The following SRFBP1 variants were observed in gnomAD, a reference collection of about 807,000 sequenced individuals.
The protein encoded by SRFBP1 is serum response factor binding protein 1.
A neutral mutation model predicts 45.5 loss-of-function variants in SRFBP1; 47 were observed. The observed-to-expected ratio is 1.03, with a 90% CI of 0.82 to 1.32. The LOEUF is 1.32. Ranked by LOEUF, SRFBP1 falls within the 40% of genes most tolerant of loss-of-function variation. The pLI is 0.00. For missense variants in SRFBP1, 621 were observed against 484.6 expected (o/e 1.28, Z -2.64); for synonymous variants, 203 against 166.3 (o/e 1.22, Z -1.70).
At chr5:121,970,690 T>C (rs1752170867) in intron 1 of SRFBP1, among the ~76,000 whole-genome samples, 1 of 152,080 alleles carries the variant, frequency 6.6e-6, no homozygotes. Context: ...TTAAAATATA[T>C]TATGCATTTG....
intron 2 of SRFBP1, chr5:122,075,261 A>C: frequency 1.4e-6 from 1 of 726,134 alleles, no homozygotes; most frequent in Admixed American, 3.2e-5. Flanking sequence ...GGGTTATGTG[A>C]AATTACATAG....
chr5:121,988,613 T>G (rs1752564202), intron 3 of SRFBP1, among the ~76,000 whole-genome samples: 1 of 152,224 alleles, frequency 6.6e-6, no homozygotes, highest in Non-Finnish European at 1.5e-5. Context: ...TATTGGCTGT[T>G]AGTCACGTAA....
At position 122,011,661 on chromosome 5, in the gene SRFBP1, A is replaced by T. The variant is rs566434093; in HGVS notation, c.271-7599A>T. Reference sequence around the variant, plus strand: ...CCTTTTAAATTAGAGCAACATTGTGAGCTTCAAAAGTTGATCTGTGTGTCC... The same window carrying T: ...CCTTTTAAATTAGAGCAACATTGTGTGCTTCAAAAGTTGATCTGTGTGTCC... On this transcript the variant is annotated intron_variant, in intron 4 of 7. Coordinates refer to ENST00000339397, the MANE Select transcript of SRFBP1 (RefSeq NM_152546.3). Among the ~76,000 whole-genome samples, 107 of 152,264 alleles carry T rather than the reference A, an allele frequency of 7.0e-4. 1 individual carries two copies. In the South Asian group the frequency reaches 0.021, roughly 30 times the overall value.
At chr5:121,963,183 A>T (rs796939541) in intron 1 of SRFBP1, among the ~76,000 whole-genome samples, 3 of 152,322 alleles carry the variant, frequency 2.0e-5, no homozygotes, top group Admixed American at 6.5e-5. Flanking sequence ...TAATACAGGG[A>T]TAAGTAACTC....
At position 121,977,213 on chromosome 5, in the gene SRFBP1, T is replaced by C. The variant is rs1752320799; in HGVS notation, c.198+1826T>C. ...ATTTGTGTTCTATTTTTCCCTGTGATTGCGCAATGGAATGGTTGCATCATA... is the reference window on the plus strand; with the variant it reads ...ATTTGTGTTCTATTTTTCCCTGTGACTGCGCAATGGAATGGTTGCATCATA... On this transcript the variant is annotated intron_variant, in intron 3 of 7. Transcript: ENST00000339397. Among the ~76,000 whole-genome samples the C allele has an allele frequency of 4.6e-5, 7 of 152,152 alleles. No individual in the cohort carries two copies. The South Asian group carries it at 1.5e-3, about 32-fold the overall frequency.
At position 122,026,922 on chromosome 5, in the gene SRFBP1, T is replaced by A. The variant is rs757724197; in HGVS notation, c.1106-20T>A. On this transcript the variant is annotated intron_variant, in intron 7 of 7. Transcript: ENST00000339397. ...CTCTTTAAGTATATAGTTATTATTA[T>A]TTTTGCTTTCTCTTCCTAGATTTTC... is the stretch of plus-strand genomic sequence containing the variant. 5.1e-6 allele frequency: 8 copies of A among 1,567,716 alleles called. No homozygotes were observed. In the Admixed American group the frequency reaches 9.0e-5, roughly 18 times the overall value.
chr5:122,013,088 C>T (rs1753127148), intron 4 of SRFBP1, among the ~76,000 whole-genome samples: 2 of 152,120 alleles, frequency 1.3e-5, no homozygotes, highest in East Asian at 3.9e-4. Context: ...CATTTTAGTC[C>T]CTCTTCAAAG....
At chr5:121,995,347 G>C (rs1490407703) in intron 4 of SRFBP1, among the ~76,000 whole-genome samples, 1 of 151,954 alleles carries the variant, frequency 6.6e-6, no homozygotes, top group Non-Finnish European at 1.5e-5. Flanking sequence ...ACTAGAACTC[G>C]GGATTAAGAA....
chr5:122,029,511 G>T (rs1490417250), downstream of SRFBP1, among the ~76,000 whole-genome samples: 2 of 152,090 alleles, frequency 1.3e-5, no homozygotes, highest in African/African-American at 4.8e-5. Context: ...CAGAGCTTTG[G>T]AGCACTTTTT....
chr5:121,971,020 A>G (rs969015657), intron 1 of SRFBP1, among the ~76,000 whole-genome samples: 1 of 151,954 alleles, frequency 6.6e-6, no homozygotes, highest in Non-Finnish European at 1.5e-5. Flanking sequence ...CATGGGAAAA[A>G]AGAACATTCT....
At chr5:122,077,391 A>T (rs774769784), downstream of SRFBP1, 1 of 1,613,994 alleles carries the variant, frequency 6.2e-7, no homozygotes, top group Non-Finnish European at 8.5e-7. The surrounding 1 kb of genome is among the most constrained non-coding windows in gnomAD (Gnocchi z 4.9). Context: ...CCGGGCCGGT[A>T]CCTGCCCCCA....
intron 2 of SRFBP1, among the ~76,000 whole-genome samples, chr5:122,045,123 C>A (rs1753835008): frequency 6.6e-6 from 1 of 152,128 alleles, no homozygotes; most frequent in Non-Finnish European, 1.5e-5. Context: ...GAGTCCTATC[C>A]ACATTGCTTG....
At chr5:122,047,945 G>A (rs182070221) in intron 2 of SRFBP1, among the ~76,000 whole-genome samples, 4,251 of 152,230 alleles carry the variant, frequency 0.028, 217 homozygotes, top group African/African-American at 0.097. Context: ...GAGATTTTGG[G>A]CTGAGATGAT....
chr5:122,033,826 T>G (rs948663631), intron 2 of SRFBP1, among the ~76,000 whole-genome samples: 37 of 147,160 alleles, frequency 2.5e-4, no homozygotes, highest in East Asian at 2.0e-4. Context: ...TCAGTTTTTT[T>G]TTTTTTTTTT....
At chr5:122,009,734 T>C (rs1350075192) in intron 4 of SRFBP1, among the ~76,000 whole-genome samples, 2 of 152,240 alleles carry the variant, frequency 1.3e-5, no homozygotes, top group Non-Finnish European at 2.9e-5. Context: ...GTCTATCTAC[T>C]ATTCTTGCAA....
intron 2 of SRFBP1, among the ~76,000 whole-genome samples, chr5:122,054,253 C>T (rs917529434): frequency 6.6e-6 from 1 of 152,198 alleles, no homozygotes; most frequent in Non-Finnish European, 1.5e-5. Context: ...GGGGATTCTC[C>T]TGATCCATCT....
At chr5:122,014,437 G>T (rs544156721) in intron 4 of SRFBP1, among the ~76,000 whole-genome samples, 2 of 151,874 alleles carry the variant, frequency 1.3e-5, no homozygotes, top group African/African-American at 4.8e-5. Context: ...GACTCTCCGG[G>T]GATTATGCAA....
chr5:121,979,486 C>A (rs763096292), intron 3 of SRFBP1, among the ~76,000 whole-genome samples: 1 of 152,144 alleles, frequency 6.6e-6, no homozygotes, highest in Non-Finnish European at 1.5e-5. Flanking sequence ...GCTATGTCAA[C>A]TTAACATTTT....
chr5:121,963,497 G>A (rs1385481380), intron 1 of SRFBP1, among the ~76,000 whole-genome samples: 1 of 152,144 alleles, frequency 6.6e-6, no homozygotes, highest in East Asian at 1.9e-4. Context: ...TGATGGAAAT[G>A]ACAGGGGATG....
Sources: allele counts gnomAD v4.1 joint callset (sites outside exome capture counted in the v4.1 genomes callset), GRCh38; gene constraint gnomAD v4.1.1; non-coding constraint Gnocchi (gnomAD v3.1); transcripts MANE v1.5; gene names NCBI Gene and HGNC (gene_info 2026-07-23, HGNC 2026-07-21).